CRYGD: variants seen among roughly 807,000 people sequenced by gnomAD.
CRYGD encodes gamma-crystallin D.
CRYGD carries 13 observed loss-of-function variants against 11.3 expected under a neutral mutation model. The ratio of observed to expected loss-of-function variants is 1.15; its 90% CI spans 0.75 to 1.83. The LOEUF (loss-of-function observed/expected upper bound fraction) is 1.83, where lower values mean the gene tolerates loss of function less well. Ranked by LOEUF, CRYGD falls within the 40% of genes most tolerant of loss-of-function variation. CRYGD has a pLI of 0.00. For synonymous variants in CRYGD, 77 were observed against 89.5 expected (o/e 0.86, Z 0.79); for missense variants, 231 against 229.9 (o/e 1.00, Z -0.03).
At position 208,121,918 on chromosome 2, in the gene CRYGD, CAT is replaced by C; in HGVS notation, c.278_279del (p.Tyr93Ter). ...ATCTGGCCTCTGTAGTCCTCTCTCT[CAT>C]AGAGTCTGATCCTGTGAGAGCCAGA... Reference protein sequence around the residue: ...PHSGSHRIRLYEREDYRGQMI... With the variant: ...PHSGSHRIRLXEREDYRGQMI... On this transcript the variant is annotated frameshift_variant, in exon 3 of 3. Transcript: ENST00000264376. LOFTEE classifies it low-confidence loss of function (END_TRUNC). 1 of 1,614,140 alleles carries C rather than the reference CAT, an allele frequency of 6.2e-7. No homozygotes were observed. The highest frequency in any genetic ancestry group is 8.5e-7 in the Non-Finnish European group (1 of 1,180,036).
chr2:208,124,237 A>G lies in CRYGD; in HGVS notation c.127T>C (p.Trp43Arg). 6.2e-7 allele frequency: 1 copy of G among 1,612,016 alleles called. No homozygotes were observed. Among genetic ancestry groups the G allele is most frequent in the Non-Finnish European group, 8.5e-7 (1 of 1,179,736 alleles). Residue 43 changes from tryptophan to arginine, a missense_variant, in exon 2 of 3, where the codon TGG becomes CGG. Coordinates refer to ENST00000264376, the MANE Select transcript of CRYGD (RefSeq NM_006891.4). ...TAGTTGGGCTGCTCATAGAGCATCC[A>G]GCAGCCGCTGTCCACGCGCGCCGAG... is the stretch of plus-strand genomic sequence containing the variant. ...CNSARVDSGC[W>R]MLYEQPNYSG... is the part of the protein sequence containing the mutation.
rs1416723587 is a variant in CRYGD at position 208,121,697 on chromosome 2, C to T, written c.501G>A (p.Leu167=). The T allele has an allele frequency of 3.7e-6, 6 of 1,613,614 alleles. No individual in the cohort carries two copies. The highest frequency in any genetic ancestry group is 5.1e-6 in the Non-Finnish European group (6 of 1,179,768). ...TTCAGGAGAAATCTATGACTCTCCT[C>T]AGAGAGCCCACTCTGGCATTCGTGG... ...WGATNARVGS[L]RRVIDFS The change falls in exon 3 of 3, where the codon CTG becomes CTA. Residue 167 remains leucine (L), a synonymous_variant. Coordinates refer to ENST00000264376, the MANE Select transcript of CRYGD (RefSeq NM_006891.4).
rs560915157 is a variant in CRYGD, at chr2:208,124,227, T to C, written c.137A>G (p.Tyr46Cys). ...GAGGCCCGAGTAGTTGGGCTGCTCA[T>C]AGAGCATCCAGCAGCCGCTGTCCAC... ...ARVDSGCWML[Y>C]EQPNYSGLQY... The change falls in exon 2 of 3, where the codon TAT becomes TGT. Residue 46 changes from tyrosine (Y) to cysteine (C), a missense_variant. By Grantham distance (194) the Tyr-to-Cys change is radical (BLOSUM62 -2). Coordinates refer to ENST00000264376, the MANE Select transcript of CRYGD (RefSeq NM_006891.4). 8.7e-6 allele frequency: 14 copies of C among 1,612,202 alleles called. No homozygotes were observed. The African/African-American group carries it at 9.3e-5, about 11-fold the overall frequency.
chr2:208,124,276 AGTAGGGCTGCAGGTTGG>A lies in CRYGD; in HGVS notation c.71_87del (p.Pro24LeufsTer18). On this transcript the variant is annotated frameshift_variant, in exon 2 of 3. Transcript: ENST00000264376. LOFTEE classifies it high-confidence loss of function. The stretch of plus-strand genomic sequence containing the variant: ...ACGCGCGCCGAGTTGCAGCGGCTCA[AGTAGGGCTGCAGGTTGG>A]GGTGGTCGCTGCTGCATTCATAGTG... 1 of 1,611,860 alleles carries A rather than the reference AGTAGGGCTGCAGGTTGG, an allele frequency of 6.2e-7. No homozygotes were observed. The highest frequency in any genetic ancestry group is 8.5e-7 in the Non-Finnish European group (1 of 1,179,282).
intron 2 of CRYGD, among the ~76,000 whole-genome samples, chr2:208,123,378 C>A (rs1191110535): frequency 6.8e-6 from 1 of 146,080 alleles, no homozygotes; most frequent in Non-Finnish European, 1.5e-5. Flanking sequence ...TCATTTAAAT[C>A]AATGACATAA....
intron 2 of CRYGD, among the ~76,000 whole-genome samples, chr2:208,123,343 A>T (rs142451775): frequency 0.028 from 4,177 of 147,038 alleles, 77 homozygotes; most frequent in Middle Eastern, 0.086. Context: ...ATATCATTTA[A>T]TATATTGAAT....
Position 208,124,512 on chromosome 2 carries a change from G to A in CRYGD, c.-39C>T, listed in dbSNP as rs765407471. 1,523 of 1,541,478 alleles carry A rather than the reference G, an allele frequency of 9.9e-4. 3 individuals carry two copies. The highest frequency in any genetic ancestry group is 1.2e-3 in the Non-Finnish European group (1,378 of 1,149,890). On this transcript the variant is annotated 5_prime_UTR_variant, in exon 1 of 3. Transcript: ENST00000264376. ...CACGGCGGTGCTGAGCTGGTGGGGC[G>A]GCGGCGCTGAGCGGGTGGGGCTGCG...
At chr2:208,122,287 G>A (rs1319682106) in intron 2 of CRYGD, among the ~76,000 whole-genome samples, 1 of 150,238 alleles carries the variant, frequency 6.7e-6, no homozygotes, top group Non-Finnish European at 1.5e-5. Context: ...TTGAAGAAAT[G>A]TTTTAATATT....
intron 2 of CRYGD, among the ~76,000 whole-genome samples, chr2:208,122,347 T>C (rs1299192960): frequency 6.7e-6 from 1 of 148,360 alleles, no homozygotes; most frequent in Non-Finnish European, 1.5e-5. Context: ...TGTATAATTT[T>C]AATATACATA....
rs769684129 is a variant in CRYGD, at chr2:208,124,111, C to T, written c.252+1G>A. The T allele has an allele frequency of 4.9e-5, 79 of 1,611,606 alleles. No homozygotes were observed. The highest frequency in any genetic ancestry group is 6.7e-5 in the Non-Finnish European group (79 of 1,179,870). On this transcript the variant is annotated splice_donor_variant, in intron 2 of 2. Transcript: ENST00000264376. LOFTEE classifies it high-confidence loss of function. ...GGGTCCTGACTTGAGGATGTACTCA[C>T]GTGGGGGATGAGGCGGCAGGAGCGG...
rs752616355 is a variant in CRYGD, at chr2:208,121,831, A to G, written c.367T>C (p.Ser123Pro). 5.6e-6 allele frequency: 9 copies of G among 1,614,146 alleles called. No individual in the cohort carries two copies. In the Admixed American group the frequency reaches 1.5e-4, roughly 27 times the overall value. The change falls in exon 3 of 3, where the codon TCC becomes CCC. Residue 123 changes from serine (S) to proline (P), a missense_variant. Transcript: ENST00000264376. The stretch of plus-strand genomic sequence containing the variant: ...CAGGAGCCCTCCAGCACGTTGAGGG[A>G]GTGGATTTCATTGAAGCGGAAGCGG... The part of the protein sequence containing the change: ...QDRFRFNEIH[S>P]LNVLEGSWVL...
chr2:208,122,890 T>TAAAAA (rs1366706213), intron 2 of CRYGD, among the ~76,000 whole-genome samples: 1 of 147,440 alleles, frequency 6.8e-6, no homozygotes, highest in Non-Finnish European at 1.5e-5. Flanking sequence ...TAAAATAAAA[T>TAAAAA]AAAAATAAAA....
At position 208,124,372 on chromosome 2, in the gene CRYGD, A is replaced by G. The variant is rs1044123416; in HGVS notation, c.10-18T>C. On this transcript the variant is annotated intron_variant, in intron 1 of 2. Coordinates refer to ENST00000264376, the MANE Select transcript of CRYGD (RefSeq NM_006891.4). ...AGGGTGATCTGCAAGGCAAGGCGGG[A>G]CAAGGCGAGGTCTCACAGGCCTGCT... 22 of 1,610,850 alleles carry G rather than the reference A, an allele frequency of 1.4e-5. No individual in the cohort carries two copies. Among genetic ancestry groups the G allele is most frequent in the Middle Eastern group, 1.6e-4 (1 of 6,080 alleles).
chr2:208,122,249 T>C (rs918247296), intron 2 of CRYGD, among the ~76,000 whole-genome samples: 2 of 151,836 alleles, frequency 1.3e-5, no homozygotes, highest in East Asian at 3.9e-4. Flanking sequence ...TCCAAACCTG[T>C]AACAGCTTAT....
At position 208,122,717 on chromosome 2, in the gene CRYGD, G is replaced by A. The variant is rs1013601490; in HGVS notation, c.253-772C>T. Among the ~76,000 whole-genome samples, 178 of 150,742 alleles carry A rather than the reference G, an allele frequency of 1.2e-3. 1 individual carries two copies. Among genetic ancestry groups the A allele is most frequent in the African/African-American group, 4.1e-3 (170 of 41,322 alleles). Reference sequence around the variant, plus strand: ...GTCTATACTAAAAATACAAAAATTAGCCAGGTGTGGTGGCGGGTGCCTGTA... The same window carrying A: ...GTCTATACTAAAAATACAAAAATTAACCAGGTGTGGTGGCGGGTGCCTGTA... On this transcript the variant is annotated intron_variant, in intron 2 of 2. Transcript: ENST00000264376.
At chr2:208,122,964 G>T (rs1233595306) in intron 2 of CRYGD, among the ~76,000 whole-genome samples, 3 of 150,394 alleles carry the variant, frequency 2.0e-5, no homozygotes, top group Non-Finnish European at 4.4e-5. Context: ...GAGACTGAGA[G>T]ACGAGAATCA....
Position 208,121,783 on chromosome 2 carries a change from A to C in CRYGD, c.415T>G (p.Tyr139Asp). The C allele has an allele frequency of 5.0e-6, 8 of 1,614,148 alleles. No homozygotes were observed. Among genetic ancestry groups the C allele is most frequent in the Non-Finnish European group, 6.8e-6 (8 of 1,180,030 alleles). ...GSWVLYELSNYRGRQYLLMPG... is the reference protein window; with the variant it reads ...GSWVLYELSNDRGRQYLLMPG... ...ATCAGCAGGTACTGCCGTCCTCGGTAGTTGGACAGCTCGTAGAGGACCCAG... is the reference window on the plus strand; with the variant it reads ...ATCAGCAGGTACTGCCGTCCTCGGTCGTTGGACAGCTCGTAGAGGACCCAG... The change falls in exon 3 of 3, where the codon TAC becomes GAC. Residue 139 changes from tyrosine to aspartate, a missense_variant. Coordinates refer to ENST00000264376, the MANE Select transcript of CRYGD (RefSeq NM_006891.4).
intron 2 of CRYGD, among the ~76,000 whole-genome samples, chr2:208,122,724 G>A (rs543387851): frequency 6.6e-6 from 1 of 150,718 alleles, no homozygotes; most frequent in African/African-American, 2.4e-5. Context: ...TTAGCCAGGT[G>A]TGGTGGCGGG....
rs189582567 is a variant in CRYGD, at chr2:208,124,361, G to C, written c.10-7C>G. 3.4e-4 allele frequency: 543 copies of C among 1,611,392 alleles called. 2 individuals carry two copies. The East Asian group carries it at 0.011, about 32-fold the overall frequency. ...GGTCCTCGTAGAGGGTGATCTGCAA[G>C]GCAAGGCGGGACAAGGCGAGGTCTC... On this transcript the variant is annotated splice_polypyrimidine_tract_variant and splice_region_variant and intron_variant, in intron 1 of 2. Coordinates refer to ENST00000264376, the MANE Select transcript of CRYGD (RefSeq NM_006891.4).
Sources: allele counts gnomAD v4.1 joint callset (sites outside exome capture counted in the v4.1 genomes callset), GRCh38; gene constraint gnomAD v4.1.1; transcripts MANE v1.5; gene names NCBI Gene and HGNC (gene_info 2026-07-23, HGNC 2026-07-21).